The following IPCEF1 variants were observed in gnomAD, a reference collection of about 807,000 sequenced individuals.
IPCEF1 encodes interaction protein for cytohesin exchange factors 1, also known as interactor protein for cytohesin exchange factors 1.
Under a neutral mutation model 50.9 loss-of-function variants are expected in IPCEF1, and 31 were observed. The observed-to-expected ratio is 0.61, with a 90% CI of 0.46 to 0.82. The LOEUF (loss-of-function observed/expected upper bound fraction) is 0.82, where lower values mean the gene tolerates loss of function less well. Among genes scored for constraint, IPCEF1 ranks in the 40% least tolerant of loss-of-function variants. The pLI is 0.00. For synonymous variants in IPCEF1, 181 were observed against 192.0 expected, an observed-to-expected ratio of 0.94 and a Z score of 0.47; for missense variants, 458 against 514.0, an observed-to-expected ratio of 0.89 and a Z score of 1.05.
At chr6:154,208,937 A>G (rs1777727507) in intron 9 of IPCEF1, among the ~76,000 whole-genome samples, 1 of 152,230 alleles carries the variant, frequency 6.6e-6, no homozygotes, top group South Asian at 2.1e-4. Context: ...TTGAGAATAA[A>G]TGGATGTTCT....
rs774421227 is a variant in IPCEF1 at position 154,214,259 on chromosome 6, C to A, written c.410G>T (p.Gly137Val). 3 of 1,610,914 alleles carry A rather than the reference C, an allele frequency of 1.9e-6. No homozygotes were observed. The highest frequency in any genetic ancestry group is 1.7e-6 in the Non-Finnish European group (2 of 1,177,088). The change falls in exon 8 of 12, where the codon GGA becomes GTA. Residue 137 changes from glycine (G) to valine (V), a missense_variant. Physicochemically the swap from Gly to Val is moderately radical, Grantham distance 109. Coordinates refer to ENST00000367220, the MANE Select transcript of IPCEF1 (RefSeq NM_001130700.2). ...GGATTCCTGATGGATTACAGCCGAT[C>A]CAAGTTTATTTAACCACCTAAAATT... The part of the protein sequence containing the change: ...QEMNVWLNKL[G>V]SAVIHQESTT...
chr6:154,285,591 C>T (rs1383227111), intron 2 of IPCEF1, among the ~76,000 whole-genome samples: 3 of 152,112 alleles, frequency 2.0e-5, no homozygotes. Flanking sequence ...GAATAATCTC[C>T]ATATAAGTAT....
At chr6:154,205,107 C>T (rs1362855481) in intron 9 of IPCEF1, among the ~76,000 whole-genome samples, 1 of 152,204 alleles carries the variant, frequency 6.6e-6, no homozygotes, top group Non-Finnish European at 1.5e-5. Flanking sequence ...ATCCTCTCCA[C>T]TCCCAACCCC....
intron 3 of IPCEF1, among the ~76,000 whole-genome samples, chr6:154,256,670 A>T (rs1259656986): frequency 6.6e-6 from 1 of 151,440 alleles, no homozygotes; most frequent in Non-Finnish European, 1.5e-5. Flanking sequence ...TTTAGAAGTT[A>T]CCTCTAGTTA....
Position 154,264,616 on chromosome 6 carries a change from C to G in IPCEF1, c.36+1296G>C, listed in dbSNP as rs576390699. Among the ~76,000 whole-genome samples, 12 of 152,164 alleles carry G rather than the reference C, an allele frequency of 7.9e-5. No individual in the cohort carries two copies. In the East Asian group the frequency reaches 1.9e-3, roughly 24 times the overall value. On this transcript the variant is annotated intron_variant, in intron 3 of 11. Coordinates refer to ENST00000367220, the MANE Select transcript of IPCEF1 (RefSeq NM_001130700.2). ...TCAAATCTCCTGACCTCAAGTGATC[C>G]ACCCACCTCGGCCTGCCAAAGTGCT... is the stretch of plus-strand genomic sequence containing the variant.
At chr6:154,236,019 T>C (rs1780103722) in intron 5 of IPCEF1, among the ~76,000 whole-genome samples, 1 of 152,196 alleles carries the variant, frequency 6.6e-6, no homozygotes, top group South Asian at 2.1e-4. Flanking sequence ...ACAATTAAGA[T>C]AGAACTACCA....
intron 2 of IPCEF1, among the ~76,000 whole-genome samples, chr6:154,273,194 C>G (rs559926580): frequency 3.3e-5 from 5 of 152,260 alleles, no homozygotes; most frequent in African/African-American, 9.6e-5. Flanking sequence ...TGGCATTCAG[C>G]AAGACATTAT....
At chr6:154,288,039 C>T (rs7753809) in intron 2 of IPCEF1, among the ~76,000 whole-genome samples, 39,656 of 152,042 alleles carry the variant, frequency 0.26, 5,930 homozygotes, top group Admixed American at 0.44. Flanking sequence ...TCTTAGAAGA[C>T]GTCTATACAG....
rs74704489 is a variant in IPCEF1 at position 154,196,886 on chromosome 6, A to G, written c.910+2782T>C. On this transcript the variant is annotated intron_variant, in intron 10 of 11. Transcript: ENST00000367220. ...AACACTACAGGAGAAAATGTCTAAC[A>G]GAGTATTTAAATTCAGCATAAAATC... Among the ~76,000 whole-genome samples the G allele has an allele frequency of 8.3e-3, 1,270 of 152,358 alleles. 17 individuals carry two copies. Among genetic ancestry groups the G allele is most frequent in the African/African-American group, 0.029 (1,199 of 41,568 alleles).
chr6:154,318,644 G>C (rs1407759813), intron 1 of IPCEF1, among the ~76,000 whole-genome samples: 1 of 147,992 alleles, frequency 6.8e-6, no homozygotes, highest in East Asian at 2.0e-4. Context: ...TTGAGCCCAG[G>C]AGAGGCTGCA....
In IPCEF1 at chr6:154,163,453, A is replaced by T. The variant is rs181945907; in HGVS notation, c.1105-3413T>A. Among the ~76,000 whole-genome samples, 18 of 152,230 alleles carry T rather than the reference A, an allele frequency of 1.2e-4. 1 individual carries two copies. The East Asian group carries it at 3.3e-3, about 28-fold the overall frequency. Reference sequence around the variant, plus strand: ...CCTAATTAAATATCAATTCCTCAACATGTTCTATCCCCTTTTCTATTCTTT... The same window carrying T: ...CCTAATTAAATATCAATTCCTCAACTTGTTCTATCCCCTTTTCTATTCTTT... On this transcript the variant is annotated intron_variant, in intron 11 of 11. Transcript: ENST00000367220.
At chr6:154,192,681 A>C (rs1395910542) in intron 10 of IPCEF1, among the ~76,000 whole-genome samples, 1 of 151,982 alleles carries the variant, frequency 6.6e-6, no homozygotes, top group Admixed American at 6.6e-5. Flanking sequence ...AAAATGACTT[A>C]ATCCTATCAA....
intron 9 of IPCEF1, among the ~76,000 whole-genome samples, chr6:154,206,478 C>T (rs1777504481): frequency 6.6e-6 from 1 of 152,150 alleles, no homozygotes; most frequent in Non-Finnish European, 1.5e-5. Flanking sequence ...GTGCTAGGCA[C>T]AGTCATAAAT....
At chr6:154,279,705 C>T (rs1782159524) in intron 2 of IPCEF1, among the ~76,000 whole-genome samples, 1 of 152,140 alleles carries the variant, frequency 6.6e-6, no homozygotes, top group Non-Finnish European at 1.5e-5. Flanking sequence ...CATCAAAAGA[C>T]AACCTTAGGG....
intron 10 of IPCEF1, among the ~76,000 whole-genome samples, chr6:154,170,564 T>C (rs1343655599): frequency 6.6e-6 from 1 of 152,232 alleles, no homozygotes; most frequent in Non-Finnish European, 1.5e-5. Context: ...CAACCTCCTT[T>C]TTCTCTACCA....
At chr6:154,338,238 T>C (rs1783830218) in intron 1 of IPCEF1, among the ~76,000 whole-genome samples, 1 of 152,242 alleles carries the variant, frequency 6.6e-6, no homozygotes, top group Admixed American at 6.5e-5. Context: ...ACCTTATCAC[T>C]TGCCTTTGAT....
chr6:154,284,338 A>G (rs1782303180), intron 2 of IPCEF1, among the ~76,000 whole-genome samples: 1 of 152,226 alleles, frequency 6.6e-6, no homozygotes, highest in Admixed American at 6.5e-5. Flanking sequence ...TTGTATAGAG[A>G]TACTGGATGT....
chr6:154,299,624 C>T lies in IPCEF1; in HGVS notation c.-61-9868G>A, dbSNP rs368889581. Among the ~76,000 whole-genome samples the T allele has an allele frequency of 2.3e-4, 32 of 140,142 alleles. 6 individuals are homozygous for T. The highest frequency in any genetic ancestry group is 2.1e-3 in the Admixed American group (28 of 13,502). The allele number at this position is 140,142 out of a possible 152,430, so 91.9% of individuals were successfully genotyped here. On this transcript the variant is annotated intron_variant, in intron 1 of 11. Transcript: ENST00000367220. ...GGGGAGGTGTGGGTACTGAGAACAT[C>T]GGGAAAAACAGCTAATGCATGCTGG... is the stretch of plus-strand genomic sequence containing the variant.
chr6:154,173,904 G>A (rs897337978), intron 10 of IPCEF1, among the ~76,000 whole-genome samples: 1 of 152,190 alleles, frequency 6.6e-6, no homozygotes, highest in African/African-American at 2.4e-5. Flanking sequence ...AGGAAAAAAT[G>A]TTAAGGGCAG....
Sources: allele counts gnomAD v4.1 joint callset (sites outside exome capture counted in the v4.1 genomes callset), GRCh38; gene constraint gnomAD v4.1.1; transcripts MANE v1.5; gene names NCBI Gene and HGNC (gene_info 2026-07-23, HGNC 2026-07-21).